Variants in ADAMTS4 observed in about 807,000 individuals in gnomAD.
The protein encoded by ADAMTS4 is ADAM metallopeptidase with thrombospondin type 1 motif 4.
Under a neutral mutation model 66.7 loss-of-function variants are expected in ADAMTS4, and 38 were observed. The ratio of observed to expected loss-of-function variants is 0.57; its 90% CI spans 0.44 to 0.75. ADAMTS4 has a LOEUF of 0.75. Among genes scored for constraint, ADAMTS4 ranks in the 30% least tolerant of loss-of-function variants. ADAMTS4 has a pLI of 0.00. For missense variants in ADAMTS4, 1,014 were observed against 1,116.7 expected (o/e 0.91, Z 1.31); for synonymous variants, 418 against 461.5 (o/e 0.91, Z 1.21).
chr1:161,192,592 T>C (rs1362011358), intron 7 of ADAMTS4, among the ~76,000 whole-genome samples: 6 of 151,836 alleles, frequency 4.0e-5, no homozygotes, highest in African/African-American at 1.5e-4. Flanking sequence ...GCCACACAAA[T>C]GGCAAGCAGA....
In ADAMTS4 at chr1:161,193,745, A is replaced by G; in HGVS notation, c.1630T>C (p.Ser544Pro). 1 of 1,614,022 alleles carries G rather than the reference A, an allele frequency of 6.2e-7. No individual in the cohort carries two copies. Among genetic ancestry groups the G allele is most frequent in the Non-Finnish European group, 8.5e-7 (1 of 1,179,972 alleles). ...RTCGGGVQFSSRDCTRPVPRN... is the reference protein window; with the variant it reads ...RTCGGGVQFSPRDCTRPVPRN... ...GGGACAGGCCTCGTGCAGTCTCGGGAGGAGAACTGGACACCACCCCCACAG... is the reference window on the plus strand; with the variant it reads ...GGGACAGGCCTCGTGCAGTCTCGGGGGGAGAACTGGACACCACCCCCACAG... Residue 544 changes from serine to proline, a missense_variant, in exon 6 of 9, where the codon TCC becomes CCC. By Grantham distance (74) the Ser-to-Pro change is moderately conservative (BLOSUM62 -1). Transcript: ENST00000367996. The surrounding 1 kb of genome is among the most constrained non-coding windows in gnomAD (Gnocchi z 4.4).
intron 2 of ADAMTS4, 30 bp downstream of exon 2, chr1:161,196,527 C>T: frequency 6.2e-7 from 1 of 1,608,072 alleles, no homozygotes; most frequent in Non-Finnish European, 8.5e-7. Flanking sequence ...TTGTGCAGTG[C>T]ATGGCCTGCG....
Position 161,195,840 on chromosome 1 carries a change from A to G in ADAMTS4, c.1091-205T>C, listed in dbSNP as rs140568919. 8.3e-4 allele frequency: 488 copies of G among 590,300 alleles called. 4 individuals carry two copies. In the East Asian group the frequency reaches 0.015, roughly 18 times the overall value. 36.6% of individuals were successfully genotyped at this position (590,300 alleles called of 1,614,324 possible). A position where few individuals can be genotyped will look rare whatever the true frequency, so the allele number is the denominator to read the frequency against. ...GTCTCCTCTTCCCCAAAATATACTC[A>G]GGGTCCCTCCCTACCCACTTTTCCT... On this transcript the variant is annotated intron_variant, in intron 3 of 8. Transcript: ENST00000367996.
rs1392770321 is a variant in ADAMTS4, at chr1:161,194,347, G to T, written c.1262-126C>A. On this transcript the variant is annotated intron_variant, in intron 4 of 8. Coordinates refer to ENST00000367996, the MANE Select transcript of ADAMTS4 (RefSeq NM_005099.6). The surrounding 1 kb of genome is among the most constrained non-coding windows in gnomAD (Gnocchi z 4.1). ...AAAAACAATCCTAGGACTATAAGAG[G>T]ATTTAAATTTTTGTTATTTATAATT... 5 of 765,874 alleles carry T rather than the reference G, an allele frequency of 6.5e-6. No individual in the cohort carries two copies. The highest frequency in any genetic ancestry group is 9.7e-6 in the Non-Finnish European group (5 of 513,588). 47.4% of individuals were successfully genotyped at this position (765,874 alleles called of 1,614,324 possible).
chr1:161,198,444 C>G lies in ADAMTS4; in HGVS notation c.184G>C (p.Val62Leu), dbSNP rs1343794855. 1.3e-6 allele frequency: 2 copies of G among 1,582,086 alleles called. No individual in the cohort carries two copies. Among genetic ancestry groups the G allele is most frequent in the Non-Finnish European group, 1.7e-6 (2 of 1,164,504 alleles). Residue 62 changes from valine to leucine, a missense_variant, in exon 1 of 9, where the codon GTG (valine) becomes CTG (leucine). By Grantham distance (32) the Val-to-Leu change is conservative. Coordinates refer to ENST00000367996, the MANE Select transcript of ADAMTS4 (RefSeq NM_005099.6). The surrounding 1 kb of genome is among the most constrained non-coding windows in gnomAD (Gnocchi z 4.7). ...CTGCCGTTGAGCTTCTCTGGAAACACGATCTCCTCCTCCCGGGGGAGGGGG... is the reference window on the plus strand; with the variant it reads ...CTGCCGTTGAGCTTCTCTGGAAACAGGATCTCCTCCTCCCGGGGGAGGGGG... ...ASPLPREEEIVFPEKLNGSVL... is the reference protein window; with the variant it reads ...ASPLPREEEILFPEKLNGSVL...
rs143740950 is a variant in ADAMTS4, at chr1:161,196,796, G to A, written c.718C>T (p.Arg240Cys). The A allele has an allele frequency of 4.1e-5, 66 of 1,612,164 alleles. No individual in the cohort carries two copies. The highest frequency in any genetic ancestry group is 1.6e-4 in the Middle Eastern group (1 of 6,080). ...GCTGCCATCACTGTTAGCAGGTAGC[G>A]CTTTAGCCCCGCACCGTGGAATGCG... is the stretch of plus-strand genomic sequence containing the variant. ...MAAFHGAGLK[R>C]YLLTVMAAAA... Residue 240 changes from arginine to cysteine, a missense_variant, in exon 2 of 9, where the codon CGC becomes TGC. By Grantham distance (180) the Arg-to-Cys change is radical. Coordinates refer to ENST00000367996, the MANE Select transcript of ADAMTS4 (RefSeq NM_005099.6).
At position 161,196,062 on chromosome 1, in the gene ADAMTS4, A is replaced by C. The variant is rs967032675; in HGVS notation, c.1090+109T>G. On this transcript the variant is annotated intron_variant, in intron 3 of 8. Coordinates refer to ENST00000367996, the MANE Select transcript of ADAMTS4 (RefSeq NM_005099.6). ...AGAGAGGAGTAATAGCCCTATACCTAGGCCTGGGGGAAGAATACCTTGGGA... is the reference window on the plus strand; with the variant it reads ...AGAGAGGAGTAATAGCCCTATACCTCGGCCTGGGGGAAGAATACCTTGGGA... 8 of 1,359,506 alleles carry C rather than the reference A, an allele frequency of 5.9e-6. No individual in the cohort carries two copies. In the Admixed American group the frequency reaches 1.9e-4, roughly 32 times the overall value. 84.2% of individuals were successfully genotyped at this position (1,359,506 alleles called of 1,614,324 possible). A position where few individuals can be genotyped will look rare whatever the true frequency, so the allele number is the denominator to read the frequency against.
Position 161,191,119 on chromosome 1 carries a change from G to T in ADAMTS4, c.*19C>A, listed in dbSNP as rs1485213425. The T allele has an allele frequency of 6.6e-7, 1 of 1,523,648 alleles. No homozygotes were observed. The highest frequency in any genetic ancestry group is 8.8e-7 in the Non-Finnish European group (1 of 1,135,060). The allele number at this position is 1,523,648 out of a possible 1,614,324, so 94.4% of individuals were successfully genotyped here. A position where few individuals can be genotyped will look rare whatever the true frequency, so the allele number is the denominator to read the frequency against. The stretch of plus-strand genomic sequence containing the variant: ...GTCCGAGGCCCCGGTGCCCAGAAAG[G>T]GCAGCCGGGATAGTGAGGTTATTTC... On this transcript the variant is annotated 3_prime_UTR_variant, in exon 9 of 9. Transcript: ENST00000367996.
Position 161,198,886 on chromosome 1 carries a change from G to C in ADAMTS4, c.-259C>G, listed in dbSNP as rs1349677992. 2.3e-6 allele frequency: 1 copy of C among 435,760 alleles called. No homozygotes were observed. Among genetic ancestry groups the C allele is most frequent in the Non-Finnish European group, 4.1e-6 (1 of 246,270 alleles). The allele number at this position is 435,760 out of a possible 1,614,324, so 27.0% of individuals were successfully genotyped here. A position where few individuals can be genotyped will look rare whatever the true frequency, so the allele number is the denominator to read the frequency against. On this transcript the variant is annotated 5_prime_UTR_variant, in exon 1 of 9. Transcript: ENST00000367996. The surrounding 1 kb of genome is among the most constrained non-coding windows in gnomAD (Gnocchi z 4.7). ...CTTTCCTGGATCTTTGTCTCTCCCTGCCTGTGTCTTCTGCAGCTTCTCTGG... is the reference window on the plus strand; with the variant it reads ...CTTTCCTGGATCTTTGTCTCTCCCTCCCTGTGTCTTCTGCAGCTTCTCTGG...
chr1:161,191,572 G>C lies in ADAMTS4; in HGVS notation c.2088-8C>G, dbSNP rs201719116. 6.3e-7 allele frequency: 1 copy of C among 1,598,618 alleles called. No homozygotes were observed. The highest frequency in any genetic ancestry group is 1.3e-5 in the African/African-American group (1 of 74,866). On this transcript the variant is annotated splice_region_variant and splice_polypyrimidine_tract_variant and intron_variant, in intron 8 of 8. Coordinates refer to ENST00000367996, the MANE Select transcript of ADAMTS4 (RefSeq NM_005099.6). ...ACATTGTTGTATCCGTACCTGTGTGGAAGGAGTAGATGGGGAGCTCAGGAT... is the reference window on the plus strand; with the variant it reads ...ACATTGTTGTATCCGTACCTGTGTGCAAGGAGTAGATGGGGAGCTCAGGAT...
Position 161,198,158 on chromosome 1 carries a change from C to G in ADAMTS4, c.470G>C (p.Gly157Ala). ...CAGGGGCTGGAGGTGGAGTTCAGCC[C>G]CCCGATATTGTAACACGCCTAACAG... ...GALLGVLQYRGAELHLQPLEG... is the reference protein window; with the variant it reads ...GALLGVLQYRAAELHLQPLEG... The change falls in exon 1 of 9, where the codon GGG becomes GCG. Residue 157 changes from glycine to alanine, a missense_variant. By Grantham distance (60) the Gly-to-Ala change is moderately conservative. Coordinates refer to ENST00000367996, the MANE Select transcript of ADAMTS4 (RefSeq NM_005099.6). The surrounding 1 kb of genome is among the most constrained non-coding windows in gnomAD (Gnocchi z 4.7). 1.2e-6 allele frequency: 2 copies of G among 1,614,020 alleles called. No homozygotes were observed. The highest frequency in any genetic ancestry group is 1.7e-6 in the Non-Finnish European group (2 of 1,179,986).
chr1:161,190,976 G>T lies in ADAMTS4; in HGVS notation c.*162C>A. On this transcript the variant is annotated 3_prime_UTR_variant, in exon 9 of 9. Coordinates refer to ENST00000367996, the MANE Select transcript of ADAMTS4 (RefSeq NM_005099.6). Reference sequence around the variant, plus strand: ...CACTGCCTCCCAGGGCAGGAAACCAGGGCAGGGCCAGCCTGCGCATTAGGG... The same window carrying T: ...CACTGCCTCCCAGGGCAGGAAACCATGGCAGGGCCAGCCTGCGCATTAGGG... 2 of 805,032 alleles carry T rather than the reference G, an allele frequency of 2.5e-6. No homozygotes were observed. Among genetic ancestry groups the T allele is most frequent in the Non-Finnish European group, 3.7e-6 (2 of 538,652 alleles). 49.9% of individuals were successfully genotyped at this position (805,032 alleles called of 1,614,324 possible). A position where few individuals can be genotyped will look rare whatever the true frequency, so the allele number is the denominator to read the frequency against.
rs1178586409 is a variant in ADAMTS4, at chr1:161,193,901, G to A, written c.1548+34C>T. 6.4e-7 allele frequency: 1 copy of A among 1,562,740 alleles called. No homozygotes were observed. Among genetic ancestry groups the A allele is most frequent in the East Asian group, 2.3e-5 (1 of 44,398 alleles). ...CTTAAGGCCAGTCCCCACACCCCCG[G>A]GCCCTTTACCCCACCCCTGCCCTAG... On this transcript the variant is annotated intron_variant, in intron 5 of 8. Coordinates refer to ENST00000367996, the MANE Select transcript of ADAMTS4 (RefSeq NM_005099.6). The surrounding 1 kb of genome is among the most constrained non-coding windows in gnomAD (Gnocchi z 4.4).
Position 161,193,842 on chromosome 1 carries a change from A to G in ADAMTS4, c.1549-16T>C, listed in dbSNP as rs757464267. 5 of 1,594,340 alleles carry G rather than the reference A, an allele frequency of 3.1e-6. No homozygotes were observed. The highest frequency in any genetic ancestry group is 4.3e-6 in the Non-Finnish European group (5 of 1,169,352). The stretch of plus-strand genomic sequence containing the variant: ...CCTGTGGAATCTGCAAAGGCACAGA[A>G]CGGAAGTGGGGCATAAGTGAACTCT... On this transcript the variant is annotated splice_polypyrimidine_tract_variant and intron_variant, in intron 5 of 8. Coordinates refer to ENST00000367996, the MANE Select transcript of ADAMTS4 (RefSeq NM_005099.6). This position sits in a 1 kb window ranked among gnomAD's most constrained non-coding sequence, Gnocchi z 4.4.
In ADAMTS4 at chr1:161,188,495, A is replaced by C. The variant is rs757257457; in HGVS notation, c.*2643T>G. 1.3e-5 allele frequency: 2 copies of C among 150,716 alleles called. No homozygotes were observed. The highest frequency in any genetic ancestry group is 2.9e-5 in the Non-Finnish European group (2 of 67,798). 9.3% of individuals were successfully genotyped at this position (150,716 alleles called of 1,614,324 possible). On this transcript the variant is annotated 3_prime_UTR_variant, in exon 9 of 9. Transcript: ENST00000367996. ...CTGGCCTCAAGCAATCCTCCTGCCA[A>C]AGTACTGGGATTACAGGTGTGAACC...
rs1283902265 is a variant in ADAMTS4 at position 161,186,245 on chromosome 1, C to G, written c.*4893G>C. The G allele has an allele frequency of 6.6e-6, 1 of 152,262 alleles. No homozygotes were observed. Among genetic ancestry groups the G allele is most frequent in the Non-Finnish European group, 1.5e-5 (1 of 68,058 alleles). The allele number at this position is 152,262 out of a possible 1,614,324, so 9.4% of individuals were successfully genotyped here. ...TTACAGGGAGATATGTGCCCCCCCA[C>G]AATCCCATCCCTAGCAAGAACTTGT... On this transcript the variant is annotated 3_prime_UTR_variant, in exon 9 of 9. Transcript: ENST00000367996.
intron 8 of ADAMTS4, 94 bp from the exon 9 acceptor site, chr1:161,191,658 G>A (rs1453543661): frequency 1.4e-5 from 18 of 1,286,376 alleles, no homozygotes; most frequent in Non-Finnish European, 1.8e-5. Context: ...GTACATGTGT[G>A]TAGATGGCTG....
At chr1:161,196,436 T>G (rs1292026475) in intron 2 of ADAMTS4, 121 bp downstream of exon 2, 1 of 1,504,248 alleles carries the variant, frequency 6.6e-7, no homozygotes. Context: ...CACATGGCAG[T>G]GTGGCTGGGG....
Position 161,188,883 on chromosome 1 carries a change from A to AATATATATATATATATATATAC in ADAMTS4, c.*2254_*2255insGTATATATATATATATATATAT, listed in dbSNP as rs1664595767. ...TAGGCACCTGTCACCATGCCCGGCT[A>AATATATATATATATATATATAC]ATATATATATATATATATATATATA... is the stretch of plus-strand genomic sequence containing the variant. On this transcript the variant is annotated 3_prime_UTR_variant, in exon 9 of 9. Coordinates refer to ENST00000367996, the MANE Select transcript of ADAMTS4 (RefSeq NM_005099.6). 1.5e-5 allele frequency: 1 copy of AATATATATATATATATATATAC among 68,322 alleles called. No homozygotes were observed. The highest frequency in any genetic ancestry group is 2.9e-5 in the Non-Finnish European group (1 of 34,906). 4.2% of individuals were successfully genotyped at this position (68,322 alleles called of 1,614,324 possible). A position where few individuals can be genotyped will look rare whatever the true frequency, so the allele number is the denominator to read the frequency against.
Sources: gnomAD v4.1 joint callset for allele counts (sites outside exome capture counted in the v4.1 genomes callset) on GRCh38, gnomAD v4.1.1 for gene constraint, Gnocchi (gnomAD v3.1) non-coding constraint, MANE v1.5 for transcripts, NCBI Gene and HGNC (gene_info 2026-07-23, HGNC 2026-07-21) for gene names.